The following NOM1 variants were observed in gnomAD, a reference collection of about 807,000 sequenced individuals.
The protein encoded by NOM1 is nucleolar MIF4G domain-containing protein 1.
In NOM1, 58 loss-of-function variants were observed where a neutral mutation model predicts 73.3. The ratio of observed to expected loss-of-function variants is 0.79; its 90% CI spans 0.64 to 0.99. NOM1 has a LOEUF of 0.99. NOM1 is among the 50% of genes least tolerant of loss of function. The probability of loss-of-function intolerance (pLI) is 0.00; values close to 1 mark genes in which losing one functional copy is unlikely to be tolerated. For missense variants in NOM1, 1,226 were observed against 1,131.9 expected (o/e 1.08, Z -1.19); for synonymous variants, 487 against 446.8 (o/e 1.09, Z -1.14).
At position 156,972,350 on chromosome 7, in the gene NOM1, C is replaced by T. The variant is rs1805159367; in HGVS notation, c.*2647C>T. The T allele has an allele frequency of 1.3e-5, 2 of 152,182 alleles. No individual in the cohort carries two copies. The highest frequency in any genetic ancestry group is 2.9e-5 in the Non-Finnish European group (2 of 68,050). The allele number at this position is 152,182 out of a possible 1,614,324, so 9.4% of individuals were successfully genotyped here. On this transcript the variant is annotated 3_prime_UTR_variant, in exon 11 of 11. Transcript: ENST00000275820. ...TCATGATGTACCATATGCAGTAACC[C>T]ATGTTTGAGGTACAGAATTGAAGCT...
chr7:156,958,220 C>A (rs1804774818), intron 3 of NOM1, among the ~76,000 whole-genome samples: 1 of 152,174 alleles, frequency 6.6e-6, no homozygotes, highest in South Asian at 2.1e-4. Context: ...CTGGATGGCC[C>A]CTGTTGAAGC....
chr7:156,950,790 C>T (rs561295533), intron 1 of NOM1, 66 bp downstream of exon 1: 73 of 1,396,602 alleles, frequency 5.2e-5, no homozygotes, highest in Admixed American at 4.6e-4. Flanking sequence ...GGGAATGGGG[C>T]GTGAGGCAGA....
intron 8 of NOM1, 42 bp from the exon 9 acceptor site, chr7:156,966,919 T>A: frequency 1.9e-6 from 3 of 1,576,816 alleles, no homozygotes. Context: ...TATAGTAATT[T>A]GTGGCCGTTT....
At chr7:156,953,861 A>T (rs1386918252) in intron 2 of NOM1, among the ~76,000 whole-genome samples, 1 of 152,210 alleles carries the variant, frequency 6.6e-6, no homozygotes, top group Non-Finnish European at 1.5e-5. Flanking sequence ...GGTATGCCTC[A>T]GTGTGGCCAC....
chr7:156,958,837 C>G (rs188363898), intron 3 of NOM1: 8 of 152,332 alleles, frequency 5.3e-5, no homozygotes, highest in African/African-American at 1.9e-4. Context: ...CAGTGCCCCT[C>G]AAACCACTGG....
chr7:156,953,602 G>A (rs77855301), intron 2 of NOM1, among the ~76,000 whole-genome samples: 11,689 of 151,400 alleles, frequency 0.077, 592 homozygotes, highest in East Asian at 0.18. Context: ...TTTCAGTGTC[G>A]AGTTCAGTAT....
chr7:156,969,058 TTTA>T, intron 9 of NOM1, 26 bp from the exon 10 acceptor site: 1 of 1,276,524 alleles, frequency 7.8e-7, no homozygotes, highest in Non-Finnish European at 1.1e-6. Flanking sequence ...TCAGTGTAAC[TTTA>T]TTTTTCTCCA....
In NOM1 at chr7:156,949,790, G is replaced by C. The variant is rs758442062; in HGVS notation, c.53G>C (p.Arg18Pro). ...GCCGGCCCGGGCGGCTCCCAGGGAC[G>C]CGTGGTCCGCATGAAGCGCAGAGGC... ...GEAGPGGSQG[R>P]VVRMKRRGGR... The change falls in exon 1 of 11, where the codon CGC (arginine) becomes CCC (proline). Residue 18 changes from arginine to proline, a missense_variant. Coordinates refer to ENST00000275820, the MANE Select transcript of NOM1 (RefSeq NM_138400.2). The C allele has an allele frequency of 2.8e-6, 4 of 1,419,838 alleles. No individual in the cohort carries two copies. In the South Asian group the frequency reaches 6.1e-5, roughly 22 times the overall value. 88.0% of individuals were successfully genotyped at this position (1,419,838 alleles called of 1,614,324 possible).
In NOM1 at chr7:156,966,412, T is replaced by C. The variant is rs370941868; in HGVS notation, c.2166+10T>C. On this transcript the variant is annotated intron_variant, in intron 8 of 10. Coordinates refer to ENST00000275820, the MANE Select transcript of NOM1 (RefSeq NM_138400.2). ...TGAAAGGAGATTTCAGGTAGCTTAG[T>C]GCGGAGGCACCAGTTACGTCCGCTC... is the stretch of plus-strand genomic sequence containing the variant. The C allele has an allele frequency of 1.3e-5, 21 of 1,613,894 alleles. No homozygotes were observed. The highest frequency in any genetic ancestry group is 1.8e-5 in the Non-Finnish European group (21 of 1,180,022).
intron 9 of NOM1, 187 bp from the exon 10 acceptor site, chr7:156,968,900 G>A (rs918752392): frequency 1.9e-6 from 1 of 531,236 alleles, no homozygotes; most frequent in Non-Finnish European, 3.4e-6. Context: ...GCAGTGTGTA[G>A]GAATTCCCAA....
chr7:156,952,359 G>A, intron 1 of NOM1, 115 bp from the exon 2 acceptor site: 18 of 1,070,902 alleles, frequency 1.7e-5, no homozygotes, highest in Non-Finnish European at 2.4e-5. Flanking sequence ...GCAATGATCA[G>A]TAGCAGCTTC....
In NOM1 at chr7:156,950,001, G is replaced by A. The variant is rs1477448096; in HGVS notation, c.264G>A (p.Glu88=). 19 of 1,540,704 alleles carry A rather than the reference G, an allele frequency of 1.2e-5. No homozygotes were observed. The highest frequency in any genetic ancestry group is 1.7e-5 in the Non-Finnish European group (19 of 1,146,824). ...GRKSRKELRK[E]KRHLRKARRL... ...AAAGCCGTAAGGAACTGAGGAAGGA[G>A]AAGCGGCACCTGCGGAAAGCACGCC... Residue 88 remains glutamate, a synonymous_variant, in exon 1 of 11, where the codon GAG becomes GAA. Coordinates refer to ENST00000275820, the MANE Select transcript of NOM1 (RefSeq NM_138400.2).
intron 7 of NOM1, among the ~76,000 whole-genome samples, chr7:156,964,802 G>C (rs1171248966): frequency 6.6e-6 from 1 of 152,006 alleles, no homozygotes; most frequent in Non-Finnish European, 1.5e-5. Context: ...CTGTGGCCTT[G>C]CCGTTTTGCC....
At chr7:156,963,831 T>G in intron 6 of NOM1, 74 bp from the exon 7 acceptor site, 1 of 1,539,802 alleles carries the variant, frequency 6.5e-7, no homozygotes, top group Non-Finnish European at 8.8e-7. Flanking sequence ...GACACTGAAG[T>G]ACAGTTTGGC....
chr7:156,953,237 C>T (rs183870290), intron 2 of NOM1, among the ~76,000 whole-genome samples: 14 of 152,322 alleles, frequency 9.2e-5, no homozygotes, highest in African/African-American at 2.6e-4. Context: ...TCAAGCAGTT[C>T]TCCTGCCTCA....
chr7:156,956,052 G>T (rs917491053), intron 3 of NOM1, among the ~76,000 whole-genome samples: 1 of 152,128 alleles, frequency 6.6e-6, no homozygotes, highest in African/African-American at 2.4e-5. Flanking sequence ...AATTAGCCAG[G>T]CATGGTGGCG....
At chr7:156,968,987 G>A in intron 9 of NOM1, 100 bp from the exon 10 acceptor site, 1 of 699,970 alleles carries the variant, frequency 1.4e-6, no homozygotes. Context: ...GTGGGGGAAG[G>A]GGGGAGATTA....
chr7:156,969,616 C>T lies in NOM1; in HGVS notation c.2496C>T (p.His832=), dbSNP rs374634748. 36 of 1,613,932 alleles carry T rather than the reference C, an allele frequency of 2.2e-5. No homozygotes were observed. The highest frequency in any genetic ancestry group is 3.0e-5 in the Non-Finnish European group (35 of 1,179,982). Residue 832 remains histidine (H), a synonymous_variant, in exon 11 of 11, where the codon CAC becomes CAT. Transcript: ENST00000275820. ...TCTTGCTAAAGAACGCACAGGCCCA[C>T]AGAAGCGCCGACGAAGCCAACGTGC... ...SHFLLKNAQA[H]RSADEANVLR...
chr7:156,969,021 T>C (rs1337057190), intron 9 of NOM1, 66 bp from the exon 10 acceptor site: 3 of 861,470 alleles, frequency 3.5e-6, no homozygotes, highest in Non-Finnish European at 6.0e-6. Flanking sequence ...TTAACTATAT[T>C]ACAAATCATT....
Sources: allele counts gnomAD v4.1 joint callset (sites outside exome capture counted in the v4.1 genomes callset), GRCh38; gene constraint gnomAD v4.1.1; transcripts MANE v1.5; gene names NCBI Gene and HGNC (gene_info 2026-07-23, HGNC 2026-07-21).